Variants in PDE1C observed in about 807,000 individuals in gnomAD.
PDE1C encodes dual specificity calcium/calmodulin-dependent 3',5'-cyclic nucleotide phosphodiesterase 1C.
Under a neutral mutation model 93.1 loss-of-function variants are expected in PDE1C, and 62 were observed. The ratio of observed to expected loss-of-function variants is 0.67; its 90% CI spans 0.54 to 0.82. The LOEUF (loss-of-function observed/expected upper bound fraction) is 0.82, where lower values mean the gene tolerates loss of function less well. PDE1C is among the 40% of genes least tolerant of loss of function. The pLI is 0.00. For missense variants in PDE1C, 742 were observed against 884.6 expected, an observed-to-expected ratio of 0.84 and a Z score of 2.04; for synonymous variants, 325 against 310.1, an observed-to-expected ratio of 1.05 and a Z score of -0.50.
intron 1 of PDE1C, among the ~76,000 whole-genome samples, chr7:32,401,347 G>T (rs565836933): frequency 3.5e-4 from 54 of 152,166 alleles, no homozygotes; most frequent in Non-Finnish European, 1.6e-4. Flanking sequence ...GACCATCCTG[G>T]CTAACACAGT....
In PDE1C at chr7:32,275,864, A is replaced by T. The variant is rs143933671; in HGVS notation, c.85+22787T>A. Among the ~76,000 whole-genome samples, 68 of 152,346 alleles carry T rather than the reference A, an allele frequency of 4.5e-4. 1 individual carries two copies. The highest frequency in any genetic ancestry group is 1.6e-3 in the African/African-American group (67 of 41,576). On this transcript the variant is annotated intron_variant, in intron 1 of 18. Coordinates refer to the PDE1C transcript ENST00000396193. ...AACTGAATGTCTAAGACAAGATATC[A>T]TTCCCATTGCTGAAAACATCCAGAA... is the stretch of plus-strand genomic sequence containing the variant.
chr7:32,035,947 C>A (rs1280961617), intron 2 of PDE1C, among the ~76,000 whole-genome samples: 1 of 152,134 alleles, frequency 6.6e-6, no homozygotes, highest in Non-Finnish European at 1.5e-5. Flanking sequence ...ATCTTGACCC[C>A]CTTGGATAAT....
intron 3 of PDE1C, among the ~76,000 whole-genome samples, chr7:31,880,169 C>T (rs552508598): frequency 6.6e-6 from 1 of 152,166 alleles, no homozygotes; most frequent in South Asian, 2.1e-4. Flanking sequence ...TCGTATTCAA[C>T]ATTTCAACAT....
At chr7:31,881,215 T>C (rs949358880) in intron 2 of PDE1C, among the ~76,000 whole-genome samples, 1 of 152,180 alleles carries the variant, frequency 6.6e-6, no homozygotes, top group Admixed American at 6.5e-5. Context: ...CAAATACCTC[T>C]TGAGATTCTG....
chr7:32,167,607 T>TG (rs1230652481), intron 3 of PDE1C, among the ~76,000 whole-genome samples: 1 of 152,144 alleles, frequency 6.6e-6, no homozygotes, highest in Non-Finnish European at 1.5e-5. Context: ...TCAATAAGGC[T>TG]GGGGGTCCCT....
chr7:32,420,727 T>C (rs1269508948), intron 1 of PDE1C, among the ~76,000 whole-genome samples: 1 of 123,488 alleles, frequency 8.1e-6, no homozygotes, highest in Non-Finnish European at 1.8e-5. Flanking sequence ...TAAAATATTT[T>C]TTTTAAGTAT....
intron 2 of PDE1C, among the ~76,000 whole-genome samples, chr7:31,978,517 G>A (rs1811961623): frequency 6.6e-6 from 1 of 152,146 alleles, no homozygotes; most frequent in Admixed American, 6.6e-5. Context: ...AATTAGTGAA[G>A]GCAGCCCAGC....
intron 3 of PDE1C, among the ~76,000 whole-genome samples, chr7:32,158,820 C>T (rs751623306): frequency 5.9e-5 from 9 of 152,332 alleles, no homozygotes; most frequent in East Asian, 5.8e-4. Flanking sequence ...TTTCTGCCTG[C>T]GGAATAAAAC....
intron 2 of PDE1C, among the ~76,000 whole-genome samples, chr7:32,201,841 T>A (rs1584948224): frequency 2.0e-5 from 3 of 152,366 alleles, no homozygotes; most frequent in Admixed American, 2.0e-4. Flanking sequence ...TCTCTCTTGT[T>A]CATCCCTTCT....
chr7:31,741,894 C>T, the PDE1C span, among the ~76,000 whole-genome samples: 13 of 152,322 alleles, frequency 8.5e-5, no homozygotes, highest in African/African-American at 3.1e-4. Context: ...GCAGCCTCCC[C>T]AGAGTTAACA....
intron 3 of PDE1C, among the ~76,000 whole-genome samples, chr7:32,096,658 T>A (rs558260060): frequency 6.6e-6 from 1 of 152,308 alleles, no homozygotes; most frequent in Non-Finnish European, 1.5e-5. Flanking sequence ...ATTATTGTGT[T>A]TCTATGGCAT....
chr7:32,057,544 T>A (rs1335229446), intron 1 of PDE1C, among the ~76,000 whole-genome samples: 1 of 152,182 alleles, frequency 6.6e-6, no homozygotes. Context: ...TGACCTCCAG[T>A]ATTTAAATAG....
At chr7:32,056,216 G>C (rs958621306) in intron 1 of PDE1C, among the ~76,000 whole-genome samples, 5 of 151,958 alleles carry the variant, frequency 3.3e-5, no homozygotes, top group African/African-American at 7.3e-5. Context: ...TTCATGCTGG[G>C]AGAGAAGGCA....
intron 3 of PDE1C, among the ~76,000 whole-genome samples, chr7:32,088,284 T>C (rs1797246255): frequency 1.3e-5 from 2 of 152,212 alleles, no homozygotes; most frequent in Non-Finnish European, 2.9e-5. Flanking sequence ...GATTGGACTT[T>C]TTTTTAATAC....
At chr7:32,069,596 C>T (rs1056563271) in intron 1 of PDE1C, among the ~76,000 whole-genome samples, 1 of 151,996 alleles carries the variant, frequency 6.6e-6, no homozygotes, top group Non-Finnish European at 1.5e-5. Context: ...TTCAGGTCAC[C>T]TCTCCTCAGT....
chr7:31,996,664 C>CATAGAA (rs1458422997), intron 2 of PDE1C, among the ~76,000 whole-genome samples: 1 of 152,164 alleles, frequency 6.6e-6, no homozygotes, highest in African/African-American at 2.4e-5. Context: ...AAGGACAGGA[C>CATAGAA]ATAGAAACTA....
At chr7:31,691,074 T>A in the PDE1C span, among the ~76,000 whole-genome samples, 1 of 151,922 alleles carries the variant, frequency 6.6e-6, no homozygotes, top group African/African-American at 2.4e-5. Flanking sequence ...TCGCAGGGAG[T>A]TGGCAATCTC....
At chr7:32,158,611 C>T (rs1032460842) in intron 3 of PDE1C, among the ~76,000 whole-genome samples, 5 of 152,304 alleles carry the variant, frequency 3.3e-5, no homozygotes, top group African/African-American at 4.8e-5. Context: ...CTCCAGGCAC[C>T]GCAGAACACC....
intron 2 of PDE1C, among the ~76,000 whole-genome samples, chr7:32,206,243 A>C (rs1046682314): frequency 5.9e-5 from 9 of 152,022 alleles, no homozygotes; most frequent in Non-Finnish European, 1.0e-4. Context: ...TATGCTGATA[A>C]TGGGACGGCT....
Sources: allele counts gnomAD v4.1 joint callset (sites outside exome capture counted in the v4.1 genomes callset), GRCh38; gene constraint gnomAD v4.1.1; transcripts MANE v1.5; gene names NCBI Gene and HGNC (gene_info 2026-07-23, HGNC 2026-07-21).